The following ACOT7 variants were observed in gnomAD, a reference collection of about 807,000 sequenced individuals.
ACOT7 encodes cytosolic acyl coenzyme A thioester hydrolase.
ACOT7 carries 12 observed loss-of-function variants against 40.2 expected under a neutral mutation model. That is an observed-to-expected ratio of 0.30 (90% CI 0.19 to 0.48). ACOT7 has a LOEUF of 0.48. Ranked by LOEUF, ACOT7 falls within the 20% of genes least tolerant of loss-of-function variation. ACOT7 has a pLI of 0.99. For missense variants in ACOT7, 395 were observed against 530.8 expected (o/e 0.74, Z 2.51); for synonymous variants, 228 against 219.5 (o/e 1.04, Z -0.34).
chr1:6,362,453 A>C (rs1034770631), intron 1 of ACOT7, among the ~76,000 whole-genome samples: 1 of 151,916 alleles, frequency 6.6e-6, no homozygotes, highest in African/African-American at 2.4e-5. Flanking sequence ...GAAAAAAAAA[A>C]GTCAAGAGAT....
chr1:6,376,729 A>C (rs1476236533), intron 1 of ACOT7, among the ~76,000 whole-genome samples: 1 of 102,984 alleles, frequency 9.7e-6, no homozygotes, highest in Non-Finnish European at 1.9e-5. Flanking sequence ...CTCCATCCCA[A>C]AAAAAAAAAA....
chr1:6,384,984 CAG>C lies in ACOT7; in HGVS notation c.143+8271_143+8272del, dbSNP rs1470927898. ...GGGGGAGGTATGTATGCCCACTCAA[CAG>C]AGTTTCTGTAAAGTTTAGGAGAAAT... On this transcript the variant is annotated intron_variant, in intron 1 of 8. Transcript: ENST00000361521. Among the ~76,000 whole-genome samples the C allele has an allele frequency of 5.9e-5, 9 of 152,044 alleles. No homozygotes were observed. In the East Asian group the frequency reaches 1.5e-3, roughly 26 times the overall value.
At chr1:6,362,998 T>C (rs1256018902) in intron 1 of ACOT7, among the ~76,000 whole-genome samples, 1 of 152,186 alleles carries the variant, frequency 6.6e-6, no homozygotes, top group Non-Finnish European at 1.5e-5. Flanking sequence ...TAATAAAATA[T>C]ATAAAACAGT....
At chr1:6,321,853 C>G (rs990924382) in intron 5 of ACOT7, among the ~76,000 whole-genome samples, 1 of 152,208 alleles carries the variant, frequency 6.6e-6, no homozygotes, top group African/African-American at 2.4e-5. Context: ...GTTCCCAGGT[C>G]AATAAACAAT....
At chr1:6,340,708 T>G (rs1370438973) in intron 2 of ACOT7, among the ~76,000 whole-genome samples, 1 of 152,178 alleles carries the variant, frequency 6.6e-6, no homozygotes, top group Non-Finnish European at 1.5e-5. Flanking sequence ...GGAAAAATAA[T>G]CTGCCTGTGT....
rs1300631376 is a variant in ACOT7 at position 6,355,783 on chromosome 1, G to T, written c.144-5917C>A. On this transcript the variant is annotated intron_variant, in intron 1 of 8. Transcript: ENST00000361521. This position sits in a 1 kb window ranked among gnomAD's most constrained non-coding sequence, Gnocchi z 5.0. ...TCATCCCAAGAGCGCCTACAGCAGC[G>T]GCCCTGGGGTCCAGCCCACATCCTC... 6.6e-6 allele frequency among the ~76,000 whole-genome samples: 1 copy of T among 152,214 alleles called. No homozygotes were observed.
intron 7 of ACOT7, among the ~76,000 whole-genome samples, chr1:6,285,404 G>C (rs1038100508): frequency 6.6e-6 from 1 of 152,214 alleles, no homozygotes; most frequent in African/African-American, 2.4e-5. Context: ...CCCCACACCT[G>C]TCCACCTCCC....
intron 1 of ACOT7, among the ~76,000 whole-genome samples, chr1:6,371,661 C>T (rs1642136423): frequency 6.6e-6 from 1 of 152,144 alleles, no homozygotes; most frequent in Non-Finnish European, 1.5e-5. Context: ...CAGACCTAGC[C>T]TGTCCTTGGA....
At chr1:6,342,354 G>C (rs1343319363) in intron 2 of ACOT7, among the ~76,000 whole-genome samples, 2 of 152,108 alleles carry the variant, frequency 1.3e-5, no homozygotes, top group Non-Finnish European at 2.9e-5. Context: ...CTGGGGGTGA[G>C]AATTTCAACA....
At chr1:6,305,054 C>T (rs1316172521) in intron 6 of ACOT7, among the ~76,000 whole-genome samples, 5 of 147,816 alleles carry the variant, frequency 3.4e-5, no homozygotes, top group Non-Finnish European at 6.0e-5. Context: ...CCAGATGGGG[C>T]GGCTGGCCGG....
Position 6,360,438 on chromosome 1 carries a change from T to C in ACOT7, c.144-10572A>G, listed in dbSNP as rs1210123304. On this transcript the variant is annotated intron_variant, in intron 1 of 8. Transcript: ENST00000361521. ...GCCCATCTCGGCCCATCTTCCTGAGTAGCCGGCATCCCAGGGCCAGGGTCT... is the reference window on the plus strand; with the variant it reads ...GCCCATCTCGGCCCATCTTCCTGAGCAGCCGGCATCCCAGGGCCAGGGTCT... 6 of 1,282,538 alleles carry C rather than the reference T, an allele frequency of 4.7e-6. No individual in the cohort carries two copies. In the Admixed American group the frequency reaches 6.2e-5, roughly 13 times the overall value. 79.4% of individuals were successfully genotyped at this position (1,282,538 alleles called of 1,614,324 possible).
intron 8 of ACOT7, among the ~76,000 whole-genome samples, chr1:6,277,911 C>T (rs1639242861): frequency 6.6e-6 from 1 of 152,182 alleles, no homozygotes; most frequent in Non-Finnish European, 1.5e-5. Context: ...ACCCACCCCA[C>T]ATGGTGGGCA....
In ACOT7 at chr1:6,393,390, G is replaced by T; in HGVS notation, c.10C>A (p.Pro4Thr). 1 of 1,230,480 alleles carries T rather than the reference G, an allele frequency of 8.1e-7. No individual in the cohort carries two copies. Among genetic ancestry groups the T allele is most frequent in the Non-Finnish European group, 1.0e-6 (1 of 983,424 alleles). The allele number at this position is 1,230,480 out of a possible 1,614,324, so 76.2% of individuals were successfully genotyped here. MAR[P>T]GLIHSAPGLP... is the part of the protein sequence containing the mutation. The stretch of plus-strand genomic sequence containing the variant: ...CCCGGCGCGGAATGAATGAGCCCGG[G>T]CCGCGCCATAAAGGGGGAGGGCAGA... The change falls in exon 1 of 9, where the codon CCC becomes ACC. Residue 4 changes from proline (P) to threonine (T), a missense_variant. By Grantham distance (38) the Pro-to-Thr change is conservative. Coordinates refer to ENST00000361521, the MANE Select transcript of ACOT7 (RefSeq NM_007274.4).
At chr1:6,327,242 C>T (rs1271512774) in intron 5 of ACOT7, 57 bp downstream of exon 5, 1 of 1,561,020 alleles carries the variant, frequency 6.4e-7, no homozygotes, top group African/African-American at 1.4e-5. Context: ...CCTGCTCCTG[C>T]CTCCTATGCG....
At chr1:6,389,096 G>C (rs186838645) in intron 1 of ACOT7, among the ~76,000 whole-genome samples, 51 of 151,148 alleles carry the variant, frequency 3.4e-4, no homozygotes, top group Admixed American at 1.8e-3. Context: ...TTTCCCTTGG[G>C]GGAAATAATT....
chr1:6,392,240 A>G (rs1277221313), intron 1 of ACOT7, among the ~76,000 whole-genome samples: 2 of 152,040 alleles, frequency 1.3e-5, no homozygotes, highest in African/African-American at 2.4e-5. Context: ...GTGATGCCCA[A>G]CCCCCAAATG....
At chr1:6,292,890 T>C (rs1381875219) in intron 7 of ACOT7, among the ~76,000 whole-genome samples, 1 of 113,096 alleles carries the variant, frequency 8.8e-6, no homozygotes, top group Non-Finnish European at 1.8e-5. Flanking sequence ...TTTCTTTTTC[T>C]TTTTTTTTTT....
chr1:6,385,311 G>T (rs1448633293), intron 1 of ACOT7, among the ~76,000 whole-genome samples: 2 of 140,580 alleles, frequency 1.4e-5, no homozygotes, highest in Non-Finnish European at 3.0e-5. Flanking sequence ...AACATGCCAG[G>T]TCTCCACTGA....
chr1:6,364,503 T>C (rs1641957599), intron 1 of ACOT7, among the ~76,000 whole-genome samples: 1 of 141,104 alleles, frequency 7.1e-6, no homozygotes, highest in Non-Finnish European at 1.5e-5. Flanking sequence ...ATCATGCCAT[T>C]GCACTCCAGC....
Sources: allele counts gnomAD v4.1 joint callset (sites outside exome capture counted in the v4.1 genomes callset), GRCh38; gene constraint gnomAD v4.1.1; non-coding constraint Gnocchi (gnomAD v3.1); transcripts MANE v1.5; gene names NCBI Gene and HGNC (gene_info 2026-07-23, HGNC 2026-07-21).